The following TRPM3 variants were observed in gnomAD, a reference collection of about 807,000 sequenced individuals.
TRPM3 encodes transient receptor potential cation channel subfamily M member 3.
A neutral mutation model predicts 181.2 loss-of-function variants in TRPM3; 77 were observed. The observed-to-expected ratio is 0.42, with a 90% confidence interval of 0.35 to 0.51. The LOEUF is 0.51. Among genes scored for constraint, TRPM3 ranks in the 20% least tolerant of loss-of-function variants. The probability of loss-of-function intolerance (pLI) is 0.01; values close to 1 mark genes in which losing one functional copy is unlikely to be tolerated. For synonymous variants in TRPM3, 745 were observed against 796.4 expected, an observed-to-expected ratio of 0.94 and a Z score of 1.09; for missense variants, 1,759 against 2,196.7, an observed-to-expected ratio of 0.80 and a Z score of 3.98.
At chr9:71,259,674 T>C (rs1400671099) in intron 1 of TRPM3, among the ~76,000 whole-genome samples, 1 of 152,230 alleles carries the variant, frequency 6.6e-6, no homozygotes, top group Non-Finnish European at 1.5e-5. Context: ...GCATGTTTGT[T>C]GGCCACATAA....
intron 1 of TRPM3, among the ~76,000 whole-genome samples, chr9:71,226,665 T>C (rs1416562172): frequency 6.6e-6 from 1 of 152,004 alleles, no homozygotes; most frequent in Non-Finnish European, 1.5e-5. Context: ...TATATACAGA[T>C]ATATATATAC....
At chr9:71,223,850 A>T (rs2080401301) in intron 1 of TRPM3, among the ~76,000 whole-genome samples, 1 of 152,224 alleles carries the variant, frequency 6.6e-6, no homozygotes, top group Admixed American at 6.5e-5. Flanking sequence ...TTGTGGTTTC[A>T]GTGCTAGCTT....
At chr9:71,013,469 T>C (rs1367015824) in intron 1 of TRPM3, among the ~76,000 whole-genome samples, 2 of 152,030 alleles carry the variant, frequency 1.3e-5, no homozygotes, top group Non-Finnish European at 2.9e-5. Context: ...TTTTGGGTTT[T>C]TTTTTGTATT....
At chr9:71,190,040 A>C (rs2077916945) in intron 1 of TRPM3, among the ~76,000 whole-genome samples, 1 of 151,872 alleles carries the variant, frequency 6.6e-6, no homozygotes, top group South Asian at 2.1e-4. Flanking sequence ...ACTTTTATAT[A>C]TTTCAAGTTA....
rs187582988 is a variant in TRPM3 at position 71,292,620 on chromosome 9, C to T, written c.183+154033G>A. 1.2e-3 allele frequency among the ~76,000 whole-genome samples: 189 copies of T among 151,762 alleles called. No individual in the cohort carries two copies. The Middle Eastern group carries it at 0.017, about 14-fold the overall frequency. ...TGGAGAAATAGAAAATTAGAATAAT[C>T]CTAATAATGTTTTTTAAAAAAATAA... On this transcript the variant is annotated intron_variant, in intron 1 of 24. Transcript: ENST00000357533.
chr9:71,015,278 A>C (rs1802706035), intron 1 of TRPM3, among the ~76,000 whole-genome samples: 1 of 152,164 alleles, frequency 6.6e-6, no homozygotes, highest in South Asian at 2.1e-4. Flanking sequence ...ACTTCTCATA[A>C]ATGTTGAGAC....
intron 1 of TRPM3, among the ~76,000 whole-genome samples, chr9:71,078,821 T>C (rs1293215465): frequency 6.7e-6 from 1 of 148,200 alleles, no homozygotes; most frequent in African/African-American, 2.4e-5. Context: ...TAGAGCATAA[T>C]AAATGCAGAA....
At chr9:71,263,579 A>C (rs2083200869) in intron 1 of TRPM3, among the ~76,000 whole-genome samples, 2 of 152,076 alleles carry the variant, frequency 1.3e-5, no homozygotes, top group African/African-American at 4.8e-5. Context: ...GTCATGAGGG[A>C]TTTCATCTTA....
intron 22 of TRPM3, among the ~76,000 whole-genome samples, chr9:70,561,828 A>T (rs1376818130): frequency 6.6e-6 from 1 of 152,226 alleles, no homozygotes; most frequent in Non-Finnish European, 1.5e-5. Flanking sequence ...ACACACAAGC[A>T]GGGCATTAAA....
chr9:70,626,337 G>C (rs62545506), intron 12 of TRPM3, among the ~76,000 whole-genome samples: 1 of 152,020 alleles, frequency 6.6e-6, no homozygotes, highest in Non-Finnish European at 1.5e-5. Context: ...GCGGGAGAGC[G>C]CTCTATACCA....
intron 1 of TRPM3, among the ~76,000 whole-genome samples, chr9:71,101,988 TGC>T (rs2068473585): frequency 2.0e-5 from 3 of 152,202 alleles, no homozygotes; most frequent in Non-Finnish European, 2.9e-5. Context: ...AATACCTCTG[TGC>T]TCTGAACACC....
Position 70,676,538 on chromosome 9 carries a change from C to T in TRPM3, c.1345+4968G>A, listed in dbSNP as rs2064052958. ...AACACCAAAGAGTTTATTAAGTTAA[C>T]TTTGGGCTCCTCTCTTGGAAGTTTT... On this transcript the variant is annotated intron_variant, in intron 9 of 25. Coordinates refer to ENST00000677713, the MANE Select transcript of TRPM3 (RefSeq NM_001366145.2). Among the ~76,000 whole-genome samples the T allele has an allele frequency of 3.3e-5, 5 of 152,142 alleles. No homozygotes were observed. In the South Asian group the frequency reaches 1.0e-3, roughly 31 times the overall value.
intron 1 of TRPM3, among the ~76,000 whole-genome samples, chr9:70,978,407 T>C (rs543629503): frequency 4.3e-4 from 65 of 152,282 alleles, no homozygotes; most frequent in Non-Finnish European, 8.5e-4. Context: ...TTTAATACAG[T>C]ATATTTTACT....
chr9:71,388,577 T>C (rs1013662201), intron 1 of TRPM3, among the ~76,000 whole-genome samples: 4 of 152,100 alleles, frequency 2.6e-5, no homozygotes, highest in Admixed American at 1.3e-4. Context: ...AATTAATCCA[T>C]ACTCCTCCCA....
At chr9:71,035,718 A>AAAAT (rs2058097266) in intron 1 of TRPM3, among the ~76,000 whole-genome samples, 2 of 152,136 alleles carry the variant, frequency 1.3e-5, no homozygotes, top group Non-Finnish European at 2.9e-5. Flanking sequence ...CTGTCTCACA[A>AAAAT]AAATAAATAA....
At chr9:71,264,346 T>A (rs1363874627) in intron 1 of TRPM3, among the ~76,000 whole-genome samples, 1 of 152,098 alleles carries the variant, frequency 6.6e-6, no homozygotes, top group African/African-American at 2.4e-5. Flanking sequence ...ATCTGTACTA[T>A]CTGATGTAAG....
intron 1 of TRPM3, among the ~76,000 whole-genome samples, chr9:70,964,464 G>T (rs576396577): frequency 1.3e-5 from 2 of 152,124 alleles, no homozygotes; most frequent in Admixed American, 1.3e-4. Flanking sequence ...TTTACTTGTG[G>T]TTCCTCATTC....
intron 1 of TRPM3, among the ~76,000 whole-genome samples, chr9:71,095,190 T>C (rs1277534091): frequency 1.3e-5 from 2 of 152,190 alleles, no homozygotes; most frequent in Non-Finnish European, 2.9e-5. Context: ...TCTGATTACA[T>C]TTGGCTGTTA....
intron 1 of TRPM3, among the ~76,000 whole-genome samples, chr9:71,276,225 A>G (rs544719800): frequency 6.6e-6 from 1 of 152,308 alleles, no homozygotes; most frequent in South Asian, 2.1e-4. Context: ...CCGTACACAC[A>G]AATCAATTCT....
Sources: allele counts gnomAD v4.1 joint callset (sites outside exome capture counted in the v4.1 genomes callset), GRCh38; gene constraint gnomAD v4.1.1; transcripts MANE v1.5; gene names NCBI Gene and HGNC (gene_info 2026-07-23, HGNC 2026-07-21).